The following PDE1C variants were observed in gnomAD, a reference collection of about 807,000 sequenced individuals.
PDE1C encodes the protein phosphodiesterase 1C, also known as dual specificity calcium/calmodulin-dependent 3',5'-cyclic nucleotide phosphodiesterase 1C.
PDE1C carries 62 observed loss-of-function variants against 93.1 expected under a neutral mutation model. The observed-to-expected ratio is 0.67, with a 90% confidence interval of 0.54 to 0.82. PDE1C has a LOEUF of 0.82. PDE1C is among the 40% of genes least tolerant of loss of function. PDE1C has a pLI of 0.00. For missense variants in PDE1C, 742 were observed against 884.6 expected, an observed-to-expected ratio of 0.84 and a Z score of 2.04; for synonymous variants, 325 against 310.1, an observed-to-expected ratio of 1.05 and a Z score of -0.50.
chr7:31,970,304 A>G (rs73686859), intron 2 of PDE1C, among the ~76,000 whole-genome samples: 5,972 of 152,192 alleles, frequency 0.039, 412 homozygotes, highest in African/African-American at 0.14. Flanking sequence ...AACCAGAAGG[A>G]TATCTTTATG....
chr7:31,730,087 G>A, the PDE1C span, among the ~76,000 whole-genome samples: 1 of 152,140 alleles, frequency 6.6e-6, no homozygotes, highest in Non-Finnish European at 1.5e-5. Context: ...ACGAGTAAGT[G>A]AGATCATGCA....
downstream of PDE1C, among the ~76,000 whole-genome samples, chr7:31,746,886 G>A (rs1794018510): frequency 2.0e-5 from 3 of 152,172 alleles, 1 homozygote; most frequent in South Asian, 6.2e-4. Context: ...ATGAGAGGTG[G>A]GGAAGATGCA....
At chr7:31,740,077 C>G in the PDE1C span, among the ~76,000 whole-genome samples, 1 of 152,192 alleles carries the variant, frequency 6.6e-6, no homozygotes, top group Non-Finnish European at 1.5e-5. Context: ...GAAATACTGG[C>G]TGTGTAAGCC....
intron 1 of PDE1C, among the ~76,000 whole-genome samples, chr7:32,397,263 T>C (rs922339798): frequency 6.6e-6 from 1 of 152,148 alleles, no homozygotes; most frequent in African/African-American, 2.4e-5. Context: ...TGAGAGGGAC[T>C]AATGCCAGAA....
At chr7:31,801,602 A>G (rs967216908) in intron 16 of PDE1C, among the ~76,000 whole-genome samples, 14 of 151,492 alleles carry the variant, frequency 9.2e-5, no homozygotes, top group Admixed American at 6.6e-4. Context: ...AAGAGATAAT[A>G]ATGTCTCCAA....
Position 32,051,535 on chromosome 7 carries a change from C to T in PDE1C, c.128+19G>A. The T allele has an allele frequency of 6.2e-7, 1 of 1,613,094 alleles. No individual in the cohort carries two copies. Among genetic ancestry groups the T allele is most frequent in the Non-Finnish European group, 8.5e-7 (1 of 1,179,140 alleles). ...CCACAAATGAATCAACCAGTTGCAGCTCAGAAAGACGTTCTTACCTCTGGG... is the reference window on the plus strand; with the variant it reads ...CCACAAATGAATCAACCAGTTGCAGTTCAGAAAGACGTTCTTACCTCTGGG... On this transcript the variant is annotated intron_variant, in intron 2 of 17. Coordinates refer to ENST00000396191, the MANE Select transcript of PDE1C (RefSeq NM_001191057.4).
At chr7:31,993,269 A>G (rs1784352811) in intron 2 of PDE1C, among the ~76,000 whole-genome samples, 1 of 152,172 alleles carries the variant, frequency 6.6e-6, no homozygotes, top group South Asian at 2.1e-4. Flanking sequence ...GTTTAGCTCA[A>G]TAGATAATTG....
chr7:31,975,377 A>T (rs1811529206), intron 2 of PDE1C, among the ~76,000 whole-genome samples: 1 of 152,174 alleles, frequency 6.6e-6, no homozygotes, highest in African/African-American at 2.4e-5. Context: ...CTGCAATTCT[A>T]TCAAAATGTC....
intron 1 of PDE1C, among the ~76,000 whole-genome samples, chr7:32,402,708 C>T (rs1418421359): frequency 6.6e-6 from 1 of 152,198 alleles, no homozygotes; most frequent in Non-Finnish European, 1.5e-5. Context: ...CACCATCATA[C>T]TCACCCTCTC....
chr7:31,946,282 G>A (rs749758624), intron 2 of PDE1C, among the ~76,000 whole-genome samples: 14 of 152,074 alleles, frequency 9.2e-5, no homozygotes, highest in Admixed American at 3.9e-4. Flanking sequence ...GGAACATGTC[G>A]GGGGTCCAGG....
intron 2 of PDE1C, among the ~76,000 whole-genome samples, chr7:31,928,049 G>C (rs1450794948): frequency 1.3e-5 from 2 of 152,030 alleles, no homozygotes; most frequent in African/African-American, 4.8e-5. Context: ...TTGATAAAAG[G>C]TTACAGGAAC....
At chr7:32,255,408 G>C (rs1404290967) in intron 1 of PDE1C, among the ~76,000 whole-genome samples, 1 of 152,168 alleles carries the variant, frequency 6.6e-6, no homozygotes, top group Admixed American at 6.5e-5. Flanking sequence ...TAACTTGAGA[G>C]CGCATCAGAA....
intron 3 of PDE1C, among the ~76,000 whole-genome samples, chr7:32,138,075 T>C (rs190863856): frequency 5.1e-4 from 78 of 152,256 alleles, no homozygotes; most frequent in Middle Eastern, 3.4e-3. Flanking sequence ...AATACAATGG[T>C]GTAGTAGAAA....
chr7:32,294,524 G>A (rs1044752452), intron 1 of PDE1C, among the ~76,000 whole-genome samples: 1 of 152,206 alleles, frequency 6.6e-6, no homozygotes, highest in African/African-American at 2.4e-5. Context: ...AAAATGAACA[G>A]GGAGGAGCAT....
intron 1 of PDE1C, among the ~76,000 whole-genome samples, chr7:32,334,854 T>A (rs1783585310): frequency 6.6e-6 from 1 of 152,192 alleles, no homozygotes; most frequent in Non-Finnish European, 1.5e-5. Context: ...ATGATAGGAT[T>A]GTGGGAGATA....
intron 1 of PDE1C, among the ~76,000 whole-genome samples, chr7:32,358,026 A>T (rs542470622): frequency 1.3e-5 from 2 of 152,218 alleles, no homozygotes; most frequent in East Asian, 3.9e-4. Flanking sequence ...AGGCCTGCTG[A>T]CCTTATGCTC....
At chr7:32,230,650 G>A (rs957236202) in intron 1 of PDE1C, among the ~76,000 whole-genome samples, 8 of 152,120 alleles carry the variant, frequency 5.3e-5, no homozygotes, top group Admixed American at 6.5e-5. Flanking sequence ...GAATGAAAAC[G>A]GTCACTCTAG....
At chr7:31,711,090 G>A in the PDE1C span, among the ~76,000 whole-genome samples, 2 of 152,282 alleles carry the variant, frequency 1.3e-5, no homozygotes, top group South Asian at 2.1e-4. Context: ...AAGACTTCCT[G>A]AGAAGGAACA....
intron 16 of PDE1C, among the ~76,000 whole-genome samples, chr7:31,807,480 G>A (rs928253532): frequency 1.2e-4 from 18 of 151,798 alleles, no homozygotes; most frequent in African/African-American, 4.4e-4. Flanking sequence ...AGTTAAAAAG[G>A]CTTTATGAAG....
Sources: gnomAD v4.1 joint callset for allele counts (sites outside exome capture counted in the v4.1 genomes callset) on GRCh38, gnomAD v4.1.1 for gene constraint, MANE v1.5 for transcripts, NCBI Gene and HGNC (gene_info 2026-07-23, HGNC 2026-07-21) for gene names.